PIK3R3: variants seen among roughly 807,000 people sequenced by gnomAD.
PIK3R3 encodes the protein phosphoinositide-3-kinase regulatory subunit 3, also known as phosphatidylinositol 3-kinase regulatory subunit gamma.
Under a neutral mutation model 62.9 loss-of-function variants are expected in PIK3R3, and 64 were observed. The observed-to-expected ratio is 1.02, with a 90% CI of 0.83 to 1.25. The LOEUF (loss-of-function observed/expected upper bound fraction) is 1.25. Among genes scored for constraint, PIK3R3 ranks in the 50% most tolerant of loss-of-function variants. The pLI is 0.00. For missense variants in PIK3R3, 614 were observed against 561.6 expected, an observed-to-expected ratio of 1.09 and a Z score of -0.94; for synonymous variants, 165 against 189.0, an observed-to-expected ratio of 0.87 and a Z score of 1.04.
chr1:46,136,311 AAGT>A (rs1410883951), upstream of PIK3R3, among the ~76,000 whole-genome samples: 3 of 152,182 alleles, frequency 2.0e-5, no homozygotes, highest in African/African-American at 7.2e-5. Flanking sequence ...CTTGACTTGT[AAGT>A]AGAAGATATA....
rs1435265991 is a variant in PIK3R3 at position 46,046,464 on chromosome 1, A to G, written c.1016+87T>C. ...GATTCAATGTCCTCAAGTGACAATG[A>G]CAACCAATATTTACCACGTATAAAC... On this transcript the variant is annotated intron_variant, in intron 8 of 9. Coordinates refer to ENST00000262741, the MANE Select transcript of PIK3R3 (RefSeq NM_003629.4). 3.3e-6 allele frequency: 3 copies of G among 897,532 alleles called. No individual in the cohort carries two copies. The East Asian group carries it at 7.2e-5, about 22-fold the overall frequency. The allele number at this position is 897,532 out of a possible 1,614,324, so 55.6% of individuals were successfully genotyped here.
chr1:46,108,067 C>T (rs61782915), intron 1 of PIK3R3, among the ~76,000 whole-genome samples: 12,905 of 152,194 alleles, frequency 0.085, 701 homozygotes, highest in Admixed American at 0.16. Context: ...GTGACCAATA[C>T]AATGGTTTTG....
chr1:46,061,846 T>A (rs1055937408), intron 6 of PIK3R3, 83 bp downstream of exon 6: 2 of 1,348,670 alleles, frequency 1.5e-6, no homozygotes, highest in Non-Finnish European at 2.1e-6. Context: ...TTTGAGGGGG[T>A]AAAAGAAAAC....
chr1:46,105,924 T>C (rs1454295812), intron 1 of PIK3R3, among the ~76,000 whole-genome samples: 1 of 152,078 alleles, frequency 6.6e-6, no homozygotes. Context: ...CATTAAGATA[T>C]GGCATAAATG....
At chr1:46,087,592 C>CT (rs35296719) in intron 1 of PIK3R3, among the ~76,000 whole-genome samples, 44,395 of 100,412 alleles carry the variant, frequency 0.44, 10,668 homozygotes, top group East Asian at 0.57. Context: ...ACATATTCAT[C>CT]TTTTTTTTTT....
the PIK3R3 span, among the ~76,000 whole-genome samples, chr1:46,173,089 T>C: frequency 6.6e-6 from 1 of 152,182 alleles, no homozygotes; most frequent in East Asian, 1.9e-4. Context: ...GTTAGTGCCA[T>C]GTTGGGAGCA....
At chr1:46,092,145 T>C (rs1651694261) in intron 1 of PIK3R3, among the ~76,000 whole-genome samples, 1 of 152,230 alleles carries the variant, frequency 6.6e-6, no homozygotes, top group African/African-American at 2.4e-5. Flanking sequence ...GTATAAACTT[T>C]ACTGTATGCA....
chr1:46,098,366 C>G lies in PIK3R3; in HGVS notation c.107-17616G>C, dbSNP rs868128186. 1.9e-4 allele frequency among the ~76,000 whole-genome samples: 29 copies of G among 152,318 alleles called. 1 individual carries two copies. In the Middle Eastern group the frequency reaches 0.024, roughly 125 times the overall value. On this transcript the variant is annotated intron_variant, in intron 1 of 9. Coordinates refer to ENST00000262741, the MANE Select transcript of PIK3R3 (RefSeq NM_003629.4). Reference sequence around the variant, plus strand: ...ACTCTTACATGTATACGCAACAGAACTGAAAACTAAGTTCACATGAAAACT... The same window carrying G: ...ACTCTTACATGTATACGCAACAGAAGTGAAAACTAAGTTCACATGAAAACT...
At chr1:46,066,549 A>G (rs1649007641) in intron 4 of PIK3R3, among the ~76,000 whole-genome samples, 1 of 152,220 alleles carries the variant, frequency 6.6e-6, no homozygotes, top group Non-Finnish European at 1.5e-5. Context: ...ACTAGGCGCA[A>G]TGACTCATGC....
chr1:46,153,573 C>T, the PIK3R3 span, among the ~76,000 whole-genome samples: 1 of 152,194 alleles, frequency 6.6e-6, no homozygotes, highest in African/African-American at 2.4e-5. Flanking sequence ...CTTGTAACTG[C>T]TGTCCTGATA....
intron 1 of PIK3R3, among the ~76,000 whole-genome samples, chr1:46,087,575 A>G (rs1442048601): frequency 1.3e-5 from 2 of 149,902 alleles, no homozygotes; most frequent in Non-Finnish European, 3.0e-5. Context: ...GGGTTACCCA[A>G]TGAAAAACAT....
chr1:46,133,810 T>TAA (rs112127024), upstream of PIK3R3, among the ~76,000 whole-genome samples: 40 of 142,794 alleles, frequency 2.8e-4, no homozygotes, highest in South Asian at 1.3e-3. Context: ...TCAAACCAAT[T>TAA]AAAAAAAAAA....
intron 1 of PIK3R3, among the ~76,000 whole-genome samples, chr1:46,096,209 G>A (rs1652109524): frequency 6.6e-6 from 1 of 152,214 alleles, no homozygotes; most frequent in Non-Finnish European, 1.5e-5. Context: ...CAAACACACA[G>A]ATGAAATTAA....
chr1:46,095,570 G>C (rs962556985), intron 1 of PIK3R3, among the ~76,000 whole-genome samples: 5 of 152,118 alleles, frequency 3.3e-5, no homozygotes, highest in African/African-American at 7.2e-5. Context: ...TTAATACCTA[G>C]GTGATGGGAT....
chr1:46,135,044 A>G (rs545981868), upstream of PIK3R3, among the ~76,000 whole-genome samples: 2 of 152,346 alleles, frequency 1.3e-5, no homozygotes, highest in African/African-American at 2.4e-5. Flanking sequence ...AGGGGAAGCA[A>G]ACTTTCTTAG....
chr1:46,109,203 T>C (rs1306632039), intron 1 of PIK3R3, among the ~76,000 whole-genome samples: 1 of 151,858 alleles, frequency 6.6e-6, no homozygotes, highest in Non-Finnish European at 1.5e-5. Flanking sequence ...TCTGCTCTAC[T>C]TCTCTAACTA....
intron 1 of PIK3R3, among the ~76,000 whole-genome samples, chr1:46,118,851 C>T (rs1654419418): frequency 1.3e-5 from 2 of 152,058 alleles, no homozygotes; most frequent in Admixed American, 1.3e-4. Flanking sequence ...CCACCACGCC[C>T]AGCCACTTGT....
intron 1 of PIK3R3, among the ~76,000 whole-genome samples, chr1:46,095,723 T>G (rs1039343676): frequency 6.6e-6 from 1 of 152,136 alleles, no homozygotes; most frequent in Non-Finnish European, 1.5e-5. Flanking sequence ...GTTGACACAT[T>G]TAGGTTGATA....
the PIK3R3 span, among the ~76,000 whole-genome samples, chr1:46,152,559 TC>T: frequency 1.4e-5 from 2 of 141,940 alleles, no homozygotes; most frequent in Admixed American, 1.4e-4. Context: ...CTGATTAACA[TC>T]TTTTTTTTTT....
Sources: gnomAD v4.1 joint callset for allele counts (sites outside exome capture counted in the v4.1 genomes callset) on GRCh38, gnomAD v4.1.1 for gene constraint, MANE v1.5 for transcripts, NCBI Gene and HGNC (gene_info 2026-07-23, HGNC 2026-07-21) for gene names.